Variants in BCAR1 observed in about 807,000 individuals in gnomAD.
BCAR1 encodes BCAR1 scaffold protein, Cas family member.
Under a neutral mutation model 67.6 loss-of-function variants are expected in BCAR1, and 30 were observed. The observed-to-expected ratio is 0.44, with a 90% CI of 0.33 to 0.60. The LOEUF (loss-of-function observed/expected upper bound fraction) is 0.60, where lower values mean the gene tolerates loss of function less well. Ranked by LOEUF, BCAR1 falls within the 20% of genes least tolerant of loss-of-function variation. The pLI is 0.02. For synonymous variants in BCAR1, 626 were observed against 556.7 expected, an observed-to-expected ratio of 1.12 and a Z score of -1.75; for missense variants, 1,313 against 1,222.3, an observed-to-expected ratio of 1.07 and a Z score of -1.11.
chr16:75,263,526 C>T (rs934090979), intron 1 of BCAR1: 28 of 985,312 alleles, frequency 2.8e-5, no homozygotes, highest in Non-Finnish European at 3.4e-5. Context: ...TCTCTGGGTC[C>T]GGGACTGCAT....
intron 1 of BCAR1, among the ~76,000 whole-genome samples, chr16:75,258,457 G>A (rs1365825565): frequency 6.6e-6 from 1 of 152,202 alleles, no homozygotes; most frequent in African/African-American, 2.4e-5. Flanking sequence ...CCTCCTGACT[G>A]AGGTCTAACT....
intron 1 of BCAR1, chr16:75,263,144 G>A (rs2151483493): frequency 1.1e-6 from 1 of 939,036 alleles, no homozygotes; most frequent in Non-Finnish European, 1.3e-6. Flanking sequence ...TCAACGAAGG[G>A]GCACAGGAGG....
chr16:75,252,741 C>G (rs2077705754), upstream of BCAR1, among the ~76,000 whole-genome samples: 2 of 152,246 alleles, frequency 1.3e-5, no homozygotes, highest in Admixed American at 1.3e-4. Flanking sequence ...ATGGAAGACA[C>G]AAGCCCAGGT....
Position 75,229,216 on chromosome 16 carries a change from T to G in BCAR1, c.*295A>C, listed in dbSNP as rs35971393. 2.8e-6 allele frequency: 1 copy of G among 357,040 alleles called. No individual in the cohort carries two copies. Among genetic ancestry groups the G allele is most frequent in the Non-Finnish European group, 5.0e-6 (1 of 198,724 alleles). The allele number at this position is 357,040 out of a possible 1,614,324, so 22.1% of individuals were successfully genotyped here. A position where few individuals can be genotyped will look rare whatever the true frequency, so the allele number is the denominator to read the frequency against. On this transcript the variant is annotated 3_prime_UTR_variant, in exon 7 of 7. Transcript: ENST00000162330. Reference sequence around the variant, plus strand: ...GCTCAGCCCTCGGGGTGGCACGAGGTCCTGCAGGCTGCAGGACCCTCACAC... The same window carrying G: ...GCTCAGCCCTCGGGGTGGCACGAGGGCCTGCAGGCTGCAGGACCCTCACAC...
At chr16:75,252,153 G>A (rs915167391), upstream of BCAR1, 15 of 1,503,512 alleles carry the variant, frequency 1.0e-5, no homozygotes, top group Middle Eastern at 3.4e-4. Context: ...CGGTCCCACC[G>A]TGTAAGGACC....
chr16:75,248,098 A>C lies in BCAR1; in HGVS notation c.12+3373T>G, dbSNP rs767643584. 12 of 1,596,748 alleles carry C rather than the reference A, an allele frequency of 7.5e-6. No homozygotes were observed. In the Admixed American group the frequency reaches 1.3e-4, roughly 18 times the overall value. On this transcript the variant is annotated intron_variant, in intron 1 of 6. Coordinates refer to ENST00000162330, the MANE Select transcript of BCAR1 (RefSeq NM_014567.5). ...AAAACCAAGGCTCAGAAGCTCCCTG[A>C]CAGCCCAGGGTCACTGAGTCCAGAA...
intron 1 of BCAR1, chr16:75,263,752 C>T (rs1017228090): frequency 2.5e-5 from 25 of 985,956 alleles, no homozygotes; most frequent in Admixed American, 6.1e-5. Flanking sequence ...GTGCTTAAAA[C>T]CCAGACGTGT....
At chr16:75,236,169 C>T in intron 4 of BCAR1, 183 bp from the exon 5 acceptor site, 2 of 693,510 alleles carry the variant, frequency 2.9e-6, no homozygotes, top group Non-Finnish European at 4.7e-6. Flanking sequence ...CACACACGCG[C>T]ACACACACTC....
At chr16:75,237,072 C>A in intron 3 of BCAR1, 74 bp from the exon 4 acceptor site, 1 of 1,526,512 alleles carries the variant, frequency 6.6e-7, no homozygotes, top group Non-Finnish European at 8.8e-7. Flanking sequence ...AACCCCGCAG[C>A]ACCGTCCCCA....
Position 75,242,726 on chromosome 16 carries a change from C to G in BCAR1, c.377G>C (p.Gly126Ala), listed in dbSNP as rs1331202795. The G allele has an allele frequency of 1.8e-5, 28 of 1,575,008 alleles. No individual in the cohort carries two copies. The East Asian group carries it at 6.1e-4, about 34-fold the overall frequency. The change falls in exon 2 of 7, where the codon GGC (glycine) becomes GCC (alanine). Residue 126 changes from glycine (G) to alanine (A), a missense_variant. Transcript: ENST00000162330. ...GCTGGGACCCGGGACTTGGTAGAGG[C>G]CTTGCTGAGCCTTGCTGGGAGTGGG... ...LVPTPSKAQQ[G>A]LYQVPGPSPQ...
In BCAR1 at chr16:75,235,825, G is replaced by C. The variant is rs923543187; in HGVS notation, c.1074C>G (p.Ala358=). Residue 358 remains alanine (A), a synonymous_variant, in exon 5 of 7, where the codon GCC becomes GCG. Coordinates refer to ENST00000162330, the MANE Select transcript of BCAR1 (RefSeq NM_014567.5). ...GGGGCGGCACGTCATACACGTCCTC[G>C]GCCGGCGGGGAGTCTGGAGGGGGCG... ...LAAPPPDSPP[A]EDVYDVPPPA... 1.3e-6 allele frequency: 2 copies of C among 1,578,402 alleles called. No homozygotes were observed. Among genetic ancestry groups the C allele is most frequent in the East Asian group, 4.6e-5 (2 of 43,248 alleles).
At chr16:75,265,968 G>A in intron 1 of BCAR1, 2 of 1,065,830 alleles carry the variant, frequency 1.9e-6, no homozygotes, top group Non-Finnish European at 1.1e-6. Flanking sequence ...GAGCGTTCCC[G>A]GACGCCGGAC....
chr16:75,266,908 G>A (rs988556330), intron 1 of BCAR1: 16 of 702,982 alleles, frequency 2.3e-5, no homozygotes, highest in Non-Finnish European at 3.2e-5. Flanking sequence ...GGGGACCTGG[G>A]GGCAGAAAGC....
In BCAR1 at chr16:75,229,297, C is replaced by A; in HGVS notation, c.*214G>T. On this transcript the variant is annotated 3_prime_UTR_variant, in exon 7 of 7. Coordinates refer to ENST00000162330, the MANE Select transcript of BCAR1 (RefSeq NM_014567.5). ...CCGTGGTGCATGCTGGGGAAGGCCA[C>A]TGGCCGGCCCCTGGGCTTCGGCTCC... The A allele has an allele frequency of 1.3e-6, 1 of 774,406 alleles. No individual in the cohort carries two copies. The highest frequency in any genetic ancestry group is 1.9e-6 in the Non-Finnish European group (1 of 524,016). 48.0% of individuals were successfully genotyped at this position (774,406 alleles called of 1,614,324 possible). A position where few individuals can be genotyped will look rare whatever the true frequency, so the allele number is the denominator to read the frequency against.
chr16:75,236,734 C>T (rs1047555726), intron 4 of BCAR1, 148 bp downstream of exon 4: 10 of 1,348,832 alleles, frequency 7.4e-6, no homozygotes, highest in Non-Finnish European at 6.7e-6. Flanking sequence ...ATTTCCTCAT[C>T]TGTCAACCAT....
intron 2 of BCAR1, chr16:75,238,125 C>G (rs1350095589): frequency 1.6e-6 from 2 of 1,287,972 alleles, no homozygotes. Context: ...AAGGCCCGCA[C>G]AGTGGGTGAA....
chr16:75,252,221 C>A (rs998887354), upstream of BCAR1: 1 of 1,536,644 alleles, frequency 6.5e-7, no homozygotes, highest in South Asian at 1.2e-5. Context: ...GCGCTTTTCA[C>A]GGGCAGCACC....
Position 75,229,916 on chromosome 16 carries a change from C to G in BCAR1, c.2208G>C (p.Leu736=), listed in dbSNP as rs777421859. The part of the protein sequence containing the change: ...QPLAPGRTGG[L]GPSDRQLLLF... ...GCAGCAGCTGCCGGTCCGAGGGCCCCAGGCCGCCTGTTCGCCCCGGGGCCA... is the reference window on the plus strand; with the variant it reads ...GCAGCAGCTGCCGGTCCGAGGGCCCGAGGCCGCCTGTTCGCCCCGGGGCCA... The change falls in exon 7 of 7, where the codon CTG becomes CTC. Residue 736 remains leucine, a synonymous_variant. Coordinates refer to ENST00000162330, the MANE Select transcript of BCAR1 (RefSeq NM_014567.5). 8 of 1,607,998 alleles carry G rather than the reference C, an allele frequency of 5.0e-6. No homozygotes were observed. The highest frequency in any genetic ancestry group is 3.4e-6 in the Non-Finnish European group (4 of 1,175,924).
At chr16:75,263,482 G>T in intron 1 of BCAR1, 1 of 985,256 alleles carries the variant, frequency 1.0e-6, no homozygotes, top group Non-Finnish European at 1.2e-6. Flanking sequence ...AAGGGGCACT[G>T]AGCAGGTAGC....
Sources: gnomAD v4.1 joint callset for allele counts (sites outside exome capture counted in the v4.1 genomes callset) on GRCh38, gnomAD v4.1.1 for gene constraint, MANE v1.5 for transcripts, NCBI Gene and HGNC (gene_info 2026-07-23, HGNC 2026-07-21) for gene names.